Variants in ZFPM2 observed in about 807,000 individuals in gnomAD.
ZFPM2 encodes zinc finger protein ZFPM2.
In ZFPM2, 20 loss-of-function variants were observed where a neutral mutation model predicts 98.6. The observed-to-expected ratio is 0.20, with a 90% CI of 0.14 to 0.29. The LOEUF (loss-of-function observed/expected upper bound fraction) is 0.29. ZFPM2 is among the 10% of genes least tolerant of loss of function. ZFPM2 has a pLI of 1.00. For missense variants in ZFPM2, 1,310 were observed against 1,388.6 expected, an observed-to-expected ratio of 0.94 and a Z score of 0.90; for synonymous variants, 518 against 502.7, an observed-to-expected ratio of 1.03 and a Z score of -0.41.
intron 5 of ZFPM2, among the ~76,000 whole-genome samples, chr8:105,665,642 G>A (rs1238641346): frequency 1.3e-5 from 2 of 152,156 alleles, no homozygotes; most frequent in African/African-American, 4.8e-5. Context: ...TTTAGGTTTT[G>A]TTTCACTTCT....
intron 1 of ZFPM2, chr8:105,319,400 G>C (rs966426733): frequency 6.5e-6 from 1 of 154,168 alleles, no homozygotes; most frequent in Non-Finnish European, 1.4e-5. Flanking sequence ...AACCAGGGTA[G>C]AAACTTCTCA....
At chr8:105,421,097 G>T (rs891540186) in intron 2 of ZFPM2, among the ~76,000 whole-genome samples, 2 of 152,082 alleles carry the variant, frequency 1.3e-5, no homozygotes, top group African/African-American at 4.8e-5. Flanking sequence ...ATGCTTACAT[G>T]AGGATGTAAC....
At chr8:105,705,518 G>A (rs1811235587) in intron 5 of ZFPM2, among the ~76,000 whole-genome samples, 1 of 152,096 alleles carries the variant, frequency 6.6e-6, no homozygotes, top group African/African-American at 2.4e-5. Flanking sequence ...GGACAAATAA[G>A]TAGTACTTCT....
intron 3 of ZFPM2, among the ~76,000 whole-genome samples, chr8:105,517,707 C>CCACACACACACACACACA (rs1554613621): frequency 2.3e-4 from 29 of 124,964 alleles, no homozygotes; most frequent in South Asian, 5.9e-4. Context: ...CACACACACA[C>CCACACACACACACACACA]CACACACACA....
chr8:105,464,124 C>G (rs750571051), intron 3 of ZFPM2, among the ~76,000 whole-genome samples: 27 of 152,096 alleles, frequency 1.8e-4, no homozygotes, highest in Non-Finnish European at 3.2e-4. Flanking sequence ...CAGAATTGTT[C>G]CCATAAGATC....
chr8:105,563,607 TC>T (rs1815184674), intron 4 of ZFPM2, among the ~76,000 whole-genome samples: 1 of 152,150 alleles, frequency 6.6e-6, no homozygotes, highest in Non-Finnish European at 1.5e-5. Context: ...TTTTATTGAT[TC>T]CTTTCAGAGA....
At chr8:105,436,512 CAAAAAA>C (rs11295878) in intron 2 of ZFPM2, among the ~76,000 whole-genome samples, 3 of 100,554 alleles carry the variant, frequency 3.0e-5, no homozygotes, top group Non-Finnish European at 6.8e-5. Flanking sequence ...AACTCCGTCT[CAAAAAA>C]AAAAAAAAAA....
At chr8:105,650,135 T>A (rs1817140166) in intron 5 of ZFPM2, among the ~76,000 whole-genome samples, 1 of 152,218 alleles carries the variant, frequency 6.6e-6, no homozygotes, top group Admixed American at 6.5e-5. Context: ...ATTTATCCAT[T>A]TCTTCTAGAT....
chr8:105,571,643 C>T (rs1023225488), intron 4 of ZFPM2, among the ~76,000 whole-genome samples: 2 of 152,116 alleles, frequency 1.3e-5, no homozygotes, highest in Admixed American at 1.3e-4. Context: ...ATTGTGCCAG[C>T]ATTATGAGGA....
intron 2 of ZFPM2, among the ~76,000 whole-genome samples, chr8:105,434,812 T>A (rs1453851309): frequency 6.6e-6 from 1 of 152,202 alleles, no homozygotes; most frequent in Non-Finnish European, 1.5e-5. Flanking sequence ...AGGAACTACA[T>A]GGATTAAAAG....
At chr8:105,785,293 A>G (rs1160322577) in intron 5 of ZFPM2, 1 of 151,814 alleles carries the variant, frequency 6.6e-6, no homozygotes, top group African/African-American at 2.4e-5. Flanking sequence ...ATTTCTGTGC[A>G]TACACATATA....
At chr8:105,375,482 A>G (rs938298124) in intron 1 of ZFPM2, among the ~76,000 whole-genome samples, 10 of 152,188 alleles carry the variant, frequency 6.6e-5, no homozygotes, top group African/African-American at 2.4e-4. Flanking sequence ...TTACTAGTGC[A>G]GTAGCAAAGA....
chr8:105,735,148 G>T (rs956326985), intron 5 of ZFPM2, among the ~76,000 whole-genome samples: 1 of 147,604 alleles, frequency 6.8e-6, no homozygotes, highest in African/African-American at 2.5e-5. Flanking sequence ...CTATAATATA[G>T]ACATAGATCT....
intron 5 of ZFPM2, among the ~76,000 whole-genome samples, chr8:105,648,761 T>G (rs1206226222): frequency 1.3e-5 from 2 of 152,222 alleles, no homozygotes; most frequent in East Asian, 1.9e-4. Context: ...ACCAGTACCA[T>G]GCTGTTTTGG....
chr8:105,618,092 C>T (rs1324933851), intron 4 of ZFPM2, among the ~76,000 whole-genome samples: 1 of 151,974 alleles, frequency 6.6e-6, no homozygotes, highest in Non-Finnish European at 1.5e-5. Flanking sequence ...TAATGAGGCA[C>T]CATGTAATTA....
chr8:105,749,706 A>G (rs578049990), intron 5 of ZFPM2, among the ~76,000 whole-genome samples: 1 of 152,054 alleles, frequency 6.6e-6, no homozygotes, highest in South Asian at 2.1e-4. Context: ...AAGAGAGGTC[A>G]AAGAAGAGAA....
chr8:105,430,790 A>G lies in ZFPM2; in HGVS notation c.199+11488A>G, dbSNP rs1353242279. ...GAAGGAGGCTGATGGGACCTAGAAT[A>G]CTCTTTTTTACCCAGAGATGTGGAA... On this transcript the variant is annotated intron_variant, in intron 2 of 7. Coordinates refer to ENST00000407775, the MANE Select transcript of ZFPM2 (RefSeq NM_012082.4). 2.0e-5 allele frequency among the ~76,000 whole-genome samples: 3 copies of G among 151,176 alleles called. No individual in the cohort carries two copies. The East Asian group carries it at 5.9e-4, about 30-fold the overall frequency.
intron 5 of ZFPM2, among the ~76,000 whole-genome samples, chr8:105,770,737 T>C (rs534088733): frequency 6.6e-6 from 1 of 152,226 alleles, no homozygotes; most frequent in East Asian, 1.9e-4. Flanking sequence ...AAGACCAAAA[T>C]GCAATAGTAA....
intron 1 of ZFPM2, among the ~76,000 whole-genome samples, chr8:105,393,393 C>CTTTCTTTCTTTCT (rs1586340332): frequency 1.0e-4 from 3 of 29,996 alleles, no homozygotes; most frequent in African/African-American, 1.6e-4. Context: ...TTTCTTTCTT[C>CTTTCTTTCTTTCT]TTCAGAATTT....
Sources: gnomAD v4.1 joint callset for allele counts (sites outside exome capture counted in the v4.1 genomes callset) on GRCh38, gnomAD v4.1.1 for gene constraint, MANE v1.5 for transcripts, NCBI Gene and HGNC (gene_info 2026-07-23, HGNC 2026-07-21) for gene names.